SLC4A4: variants seen among roughly 807,000 people sequenced by gnomAD.
The protein encoded by SLC4A4 is solute carrier family 4 member 4.
In SLC4A4, 27 loss-of-function variants were observed where a neutral mutation model predicts 111.5. The ratio of observed to expected loss-of-function variants is 0.24; its 90% confidence interval spans 0.18 to 0.33. The LOEUF is 0.33. Ranked by LOEUF, SLC4A4 falls within the 10% of genes least tolerant of loss-of-function variation. The pLI is 1.00. For synonymous variants in SLC4A4, 443 were observed against 463.4 expected (o/e 0.96, Z 0.57); for missense variants, 909 against 1,315.5 (o/e 0.69, Z 4.78).
chr4:71,236,445 G>C, intron 1 of SLC4A4, 131 bp from the exon 2 acceptor site: 1 of 844,246 alleles, frequency 1.2e-6, no homozygotes. Flanking sequence ...GCAGACACCA[G>C]AAGAAGAGTG....
intron 3 of SLC4A4, among the ~76,000 whole-genome samples, chr4:71,330,787 G>A (rs1693191909): frequency 6.6e-6 from 1 of 152,056 alleles, no homozygotes; most frequent in Non-Finnish European, 1.5e-5. Flanking sequence ...TACCATCAGA[G>A]TGAACAGGCA....
chr4:71,329,008 A>G (rs904188634), intron 3 of SLC4A4, among the ~76,000 whole-genome samples: 1 of 152,116 alleles, frequency 6.6e-6, no homozygotes, highest in African/African-American at 2.4e-5. Context: ...AGTGAGAGAT[A>G]AGGGTCTAGT....
intron 6 of SLC4A4, among the ~76,000 whole-genome samples, chr4:71,362,723 T>C (rs1490142042): frequency 6.6e-6 from 1 of 152,084 alleles, no homozygotes; most frequent in Admixed American, 6.5e-5. Context: ...TATCTTTTGC[T>C]AAATGGGTGT....
intron 20 of SLC4A4, among the ~76,000 whole-genome samples, chr4:71,551,143 T>C (rs972871681): frequency 1.3e-5 from 2 of 151,896 alleles, no homozygotes; most frequent in African/African-American, 4.8e-5. Context: ...AGGCACTTCC[T>C]TGAGCTTACT....
chr4:71,559,978 T>G, intron 22 of SLC4A4, 115 bp from the exon 23 acceptor site: 1 of 800,516 alleles, frequency 1.2e-6, no homozygotes, highest in Non-Finnish European at 2.2e-6. Context: ...TCTGTCATAC[T>G]CTATCTAGCC....
At chr4:71,474,885 T>C (rs1323185195) in intron 14 of SLC4A4, among the ~76,000 whole-genome samples, 2 of 151,750 alleles carry the variant, frequency 1.3e-5, no homozygotes, top group Non-Finnish European at 2.9e-5. Context: ...TATATATTAT[T>C]ATTAGAATCA....
chr4:71,496,074 A>G (rs752016187), intron 15 of SLC4A4, among the ~76,000 whole-genome samples: 1 of 152,110 alleles, frequency 6.6e-6, no homozygotes, highest in Non-Finnish European at 1.5e-5. Flanking sequence ...TTTATTAAGC[A>G]AGGGGATGAG....
intron 7 of SLC4A4, among the ~76,000 whole-genome samples, chr4:71,410,058 A>C (rs760118708): frequency 2.0e-5 from 3 of 152,212 alleles, no homozygotes; most frequent in Non-Finnish European, 4.4e-5. Flanking sequence ...AGATGTATGG[A>C]AATGCCTGGA....
At position 71,316,228 on chromosome 4, in the gene SLC4A4, T is replaced by C. The variant is rs531198668; in HGVS notation, c.254-23142T>C. 2.6e-3 allele frequency among the ~76,000 whole-genome samples: 401 copies of C among 152,314 alleles called. 6 individuals are homozygous for C. The highest frequency in any genetic ancestry group is 5.2e-3 in the Non-Finnish European group (352 of 68,010). ...GTTTGCAGATTGTTTTGACAAAATG[T>C]CATCCTCTGGGCTTCAATTTATTTG... On this transcript the variant is annotated intron_variant, in intron 3 of 25. Coordinates refer to ENST00000264485, the MANE Select transcript of SLC4A4 (RefSeq NM_001098484.3).
intron 5 of SLC4A4, among the ~76,000 whole-genome samples, chr4:71,355,977 A>G (rs1730254176): frequency 6.6e-6 from 1 of 152,228 alleles, no homozygotes; most frequent in Non-Finnish European, 1.5e-5. Flanking sequence ...CATTACTCAC[A>G]TTCTGTGCAG....
intron 1 of SLC4A4, among the ~76,000 whole-genome samples, chr4:71,189,062 T>G (rs1745615783): frequency 6.6e-6 from 1 of 152,124 alleles, no homozygotes; most frequent in South Asian, 2.1e-4. Context: ...ACCACTACAT[T>G]ATGAGCTGTT....
At chr4:71,290,326 A>C (rs1724239351) in intron 3 of SLC4A4, among the ~76,000 whole-genome samples, 1 of 152,170 alleles carries the variant, frequency 6.6e-6, no homozygotes, top group African/African-American at 2.4e-5. Context: ...CTGCCAGCCA[A>C]GGGGGTGGAG....
chr4:71,286,447 G>A (rs1043352258), intron 3 of SLC4A4, among the ~76,000 whole-genome samples: 1 of 152,168 alleles, frequency 6.6e-6, no homozygotes, highest in African/African-American at 2.4e-5. Flanking sequence ...ATTGTCAAAG[G>A]GCCATTTGCT....
chr4:71,471,019 T>C (rs532932295), intron 13 of SLC4A4, among the ~76,000 whole-genome samples: 1 of 152,130 alleles, frequency 6.6e-6, no homozygotes, highest in African/African-American at 2.4e-5. Context: ...TTTGACCAAA[T>C]GTCTGGGTGC....
At chr4:71,110,410 TGC>T (rs1743054753) in intron 2 of SLC4A4, among the ~76,000 whole-genome samples, 1 of 152,116 alleles carries the variant, frequency 6.6e-6, no homozygotes, top group South Asian at 2.1e-4. Flanking sequence ...TTCACCATGT[TGC>T]TCAGGCTGGT....
intron 6 of SLC4A4, among the ~76,000 whole-genome samples, chr4:71,393,471 A>T (rs1266443915): frequency 6.6e-6 from 1 of 152,152 alleles, no homozygotes; most frequent in Non-Finnish European, 1.5e-5. Context: ...GGCGAAAGAC[A>T]TCAACAAGGC....
At chr4:71,174,635 T>A (rs1276315636) in intron 2 of SLC4A4, among the ~76,000 whole-genome samples, 1 of 152,212 alleles carries the variant, frequency 6.6e-6, no homozygotes, top group African/African-American at 2.4e-5. Flanking sequence ...AATATGAAAG[T>A]CTTCTCAGAA....
At chr4:71,512,127 G>T (rs1005364741) in intron 16 of SLC4A4, among the ~76,000 whole-genome samples, 3 of 151,976 alleles carry the variant, frequency 2.0e-5, no homozygotes, top group Non-Finnish European at 4.4e-5. Flanking sequence ...CCTTTCCTTC[G>T]GGTAGATTCC....
At chr4:71,129,573 T>G (rs1049954773) in intron 2 of SLC4A4, among the ~76,000 whole-genome samples, 1 of 152,098 alleles carries the variant, frequency 6.6e-6, no homozygotes, top group African/African-American at 2.4e-5. Context: ...CTTAAAGAAC[T>G]CAAAATGGCA....
Sources: allele counts gnomAD v4.1 joint callset (sites outside exome capture counted in the v4.1 genomes callset), GRCh38; gene constraint gnomAD v4.1.1; transcripts MANE v1.5; gene names NCBI Gene and HGNC (gene_info 2026-07-23, HGNC 2026-07-21).